The following KMT2C variants were observed in gnomAD, a reference collection of about 807,000 sequenced individuals.
The protein encoded by KMT2C is histone-lysine N-methyltransferase 2C.
In KMT2C, 88 loss-of-function variants were observed where a neutral mutation model predicts 507.9. That is an observed-to-expected ratio of 0.17 (90% CI 0.15 to 0.21). KMT2C has a LOEUF of 0.21. Ranked by LOEUF, KMT2C falls within the 10% of genes least tolerant of loss-of-function variation. The probability of loss-of-function intolerance (pLI) is 1.00; values close to 1 mark genes in which losing one functional copy is unlikely to be tolerated. For missense variants in KMT2C, 4,954 were observed against 5,957.8 expected (o/e 0.83, Z 5.55); for synonymous variants, 2,049 against 2,080.8 (o/e 0.98, Z 0.42).
Position 152,177,669 on chromosome 7 carries a change from G to T in KMT2C, c.7784C>A (p.Pro2595His), listed in dbSNP as rs775427298. 6.2e-7 allele frequency: 1 copy of T among 1,614,096 alleles called. No individual in the cohort carries two copies. The change falls in exon 38 of 59, where the codon CCC (proline) becomes CAC (histidine). Residue 2595 changes from proline to histidine, a missense_variant. By Grantham distance (77) the Pro-to-His change is moderately conservative (BLOSUM62 -2). This residue lies in a region of KMT2C where 1,689 missense variants were observed against 1,654.3 expected (regional missense o/e 1.02). Coordinates refer to ENST00000262189, the MANE Select transcript of KMT2C (RefSeq NM_170606.3). ...SSNLRHGNFIPRPDFPGPRHT... is the reference protein window; with the variant it reads ...SSNLRHGNFIHRPDFPGPRHT... ...TCTAGGGCCCGGAAAGTCTGGCCGG[G>T]GAATGAAGTTTCCATGTCTCAGATT...
intron 2 of KMT2C, among the ~76,000 whole-genome samples, chr7:152,338,994 A>G (rs2096964693): frequency 6.6e-6 from 1 of 152,244 alleles, no homozygotes. Flanking sequence ...GATTTTGAAC[A>G]ATTACAAAAG....
At chr7:152,331,417 A>G (rs1263078433) in intron 2 of KMT2C, among the ~76,000 whole-genome samples, 2 of 151,962 alleles carry the variant, frequency 1.3e-5, no homozygotes, top group Non-Finnish European at 1.5e-5. Context: ...CAGTAGTTCA[A>G]GACAGCCTGG....
chr7:152,165,358 T>C (rs541524986), intron 42 of KMT2C, among the ~76,000 whole-genome samples: 1 of 152,330 alleles, frequency 6.6e-6, no homozygotes, highest in Non-Finnish European at 1.5e-5. Flanking sequence ...ATTTGATCTA[T>C]GGATATGCAA....
chr7:152,282,012 A>AAT (rs754884190), intron 6 of KMT2C, among the ~76,000 whole-genome samples: 1 of 118,750 alleles, frequency 8.4e-6, no homozygotes, highest in African/African-American at 2.9e-5. Flanking sequence ...TAACATATGG[A>AAT]CAGGCACGGT....
At chr7:152,337,993 A>G (rs2129217324) in intron 2 of KMT2C, among the ~76,000 whole-genome samples, 1 of 152,120 alleles carries the variant, frequency 6.6e-6, no homozygotes, top group Admixed American at 6.5e-5. Context: ...AGTAGCTGGG[A>G]CTACAGGCGC....
chr7:152,230,847 C>CACTCTTGTTGCCCAGGCTGG (rs1464767794), intron 16 of KMT2C, among the ~76,000 whole-genome samples: 1 of 152,132 alleles, frequency 6.6e-6, no homozygotes, highest in Non-Finnish European at 1.5e-5. Flanking sequence ...AGAGGAGTTT[C>CACTCTTGTTGCCCAGGCTGG]ACTCTTGTTG....
At chr7:152,408,401 T>C (rs2097644254) in intron 1 of KMT2C, among the ~76,000 whole-genome samples, 12 of 151,766 alleles carry the variant, frequency 7.9e-5, no homozygotes. Flanking sequence ...TGCTTCAATA[T>C]ATTAAAAAAA....
In KMT2C at chr7:152,148,100, T is replaced by G; in HGVS notation, c.13827A>C (p.Pro4609=). 2 of 1,610,596 alleles carry G rather than the reference T, an allele frequency of 1.2e-6. No homozygotes were observed. The highest frequency in any genetic ancestry group is 2.2e-5 in the South Asian group (2 of 90,972). ...GTTCCACAATCCTGATGACAAACAC[T>G]GGGCGCCCATCCTTCTCCTCAATGG... is the stretch of plus-strand genomic sequence containing the variant. The part of the protein sequence containing the change: ...LCSIEEKDGR[P]VFVIRIVEQG... The change falls in exon 52 of 59, where the codon CCA becomes CCC. Residue 4609 remains proline, a synonymous_variant. Transcript: ENST00000262189. The surrounding 1 kb of genome is among the most constrained non-coding windows in gnomAD (Gnocchi z 7.1).
At chr7:152,433,721 T>G (rs2097887092) in intron 1 of KMT2C, among the ~76,000 whole-genome samples, 1 of 152,250 alleles carries the variant, frequency 6.6e-6, no homozygotes, top group Admixed American at 6.5e-5. Flanking sequence ...CTCCAAAGGC[T>G]GCCTATTTCT....
At chr7:152,324,892 A>T (rs945722119) in intron 3 of KMT2C, among the ~76,000 whole-genome samples, 5 of 152,062 alleles carry the variant, frequency 3.3e-5, no homozygotes, top group Admixed American at 6.5e-5. Flanking sequence ...CAGCATGTTT[A>T]AAAAATGTCA....
chr7:152,311,691 A>C (rs2129200238), intron 5 of KMT2C, 107 bp downstream of exon 5: 6 of 787,560 alleles, frequency 7.6e-6, no homozygotes, highest in Middle Eastern at 3.1e-4. Flanking sequence ...GTATGATTAT[A>C]ATTATTTCTA....
intron 6 of KMT2C, among the ~76,000 whole-genome samples, chr7:152,296,768 A>C (rs2096500816): frequency 6.6e-6 from 1 of 151,998 alleles, no homozygotes; most frequent in Non-Finnish European, 1.5e-5. Context: ...TTACTTGCAT[A>C]ATACTTCTAA....
At chr7:152,316,026 T>C (rs560724220) in intron 3 of KMT2C, among the ~76,000 whole-genome samples, 113 of 152,284 alleles carry the variant, frequency 7.4e-4, no homozygotes, top group African/African-American at 2.6e-3. Context: ...AACCACTTGA[T>C]AGAACGTTCA....
chr7:152,359,247 T>TAA (rs1253794755), intron 1 of KMT2C, among the ~76,000 whole-genome samples: 1 of 122,222 alleles, frequency 8.2e-6, no homozygotes, highest in Admixed American at 8.3e-5. Flanking sequence ...AAAATAAAGG[T>TAA]AAGAGTCACA....
At chr7:152,274,324 T>C (rs996560498) in intron 6 of KMT2C, among the ~76,000 whole-genome samples, 29 of 152,180 alleles carry the variant, frequency 1.9e-4, no homozygotes, top group Non-Finnish European at 3.4e-4. Flanking sequence ...AACTCATCAA[T>C]TGTAAGTTAA....
chr7:152,357,915 A>C (rs998650501), intron 2 of KMT2C, among the ~76,000 whole-genome samples: 1 of 152,216 alleles, frequency 6.6e-6, no homozygotes, highest in African/African-American at 2.4e-5. Flanking sequence ...ATTCAACTTC[A>C]GAGAAAAAGC....
chr7:152,276,984 T>C (rs544365081), intron 6 of KMT2C, among the ~76,000 whole-genome samples: 12 of 152,148 alleles, frequency 7.9e-5, no homozygotes, highest in Non-Finnish European at 1.6e-4. Context: ...GTATTACCAA[T>C]TTTAAGAATG....
In KMT2C at chr7:152,136,827, G is replaced by T; in HGVS notation, c.*5C>A. 2 of 1,605,462 alleles carry T rather than the reference G, an allele frequency of 1.2e-6. No individual in the cohort carries two copies. The highest frequency in any genetic ancestry group is 1.7e-6 in the Non-Finnish European group (2 of 1,172,562). On this transcript the variant is annotated 3_prime_UTR_variant, in exon 59 of 59. Coordinates refer to ENST00000262189, the MANE Select transcript of KMT2C (RefSeq NM_170606.3). ...GCCGCCCGCTGAGCTAGCAAGGAATGCATTTCAGTTCATCCACTTCCGGCA... is the reference window on the plus strand; with the variant it reads ...GCCGCCCGCTGAGCTAGCAAGGAATTCATTTCAGTTCATCCACTTCCGGCA...
intron 1 of KMT2C, among the ~76,000 whole-genome samples, chr7:152,385,382 G>A (rs2116501100): frequency 7.3e-6 from 1 of 137,212 alleles, no homozygotes; most frequent in South Asian, 2.2e-4. Flanking sequence ...GGAGGCCGAG[G>A]CGGGCGGATC....
Sources: gnomAD v4.1 joint callset for allele counts (sites outside exome capture counted in the v4.1 genomes callset) on GRCh38, gnomAD v4.1.1 for gene constraint, gnomAD v4.1.1 regional missense constraint, Gnocchi (gnomAD v3.1) non-coding constraint, MANE v1.5 for transcripts, NCBI Gene and HGNC (gene_info 2026-07-23, HGNC 2026-07-21) for gene names.